Variants in CCDC91 observed in about 807,000 individuals in gnomAD.
The protein encoded by CCDC91 is coiled-coil domain-containing protein 91.
In CCDC91, 48 loss-of-function variants were observed where a neutral mutation model predicts 63.2. The observed-to-expected ratio is 0.76, with a 90% confidence interval of 0.60 to 0.97. The LOEUF (loss-of-function observed/expected upper bound fraction) is 0.97. CCDC91 is among the 50% of genes least tolerant of loss of function. The probability of loss-of-function intolerance (pLI) is 0.00; values close to 1 mark genes in which losing one functional copy is unlikely to be tolerated. For synonymous variants in CCDC91, 167 were observed against 165.8 expected (o/e 1.01, Z -0.06); for missense variants, 500 against 494.6 (o/e 1.01, Z -0.10).
At chr12:28,546,589 A>G (rs1313127804) in intron 12 of CCDC91, among the ~76,000 whole-genome samples, 2 of 152,128 alleles carry the variant, frequency 1.3e-5, no homozygotes, top group African/African-American at 4.8e-5. Flanking sequence ...ACGTGTATAC[A>G]GAGGTCTGTG....
intron 12 of CCDC91, among the ~76,000 whole-genome samples, chr12:28,512,028 G>C (rs982746977): frequency 2.0e-5 from 3 of 151,712 alleles, no homozygotes; most frequent in African/African-American, 7.3e-5. Context: ...GATGGATTTT[G>C]GGACTTACCA....
chr12:28,539,321 A>AT, intron 12 of CCDC91, among the ~76,000 whole-genome samples: 1 of 152,314 alleles, frequency 6.6e-6, no homozygotes, highest in African/African-American at 2.4e-5. Context: ...AGCTTTCTAC[A>AT]TTTGGCTAGC....
At chr12:28,336,349 ATTATT>A (rs1418621924) in intron 6 of CCDC91, among the ~76,000 whole-genome samples, 2 of 152,174 alleles carry the variant, frequency 1.3e-5, no homozygotes, top group African/African-American at 4.8e-5. Context: ...ACGTATCCGT[ATTATT>A]TTAAGTGTGA....
At chr12:28,259,298 C>A in intron 2 of CCDC91, 66 bp from the exon 3 acceptor site, 1 of 1,160,862 alleles carries the variant, frequency 8.6e-7, no homozygotes, top group Non-Finnish European at 1.3e-6. Flanking sequence ...AACTGGAATG[C>A]TTGATCACTT....
At chr12:28,293,296 T>C (rs539356645) in intron 3 of CCDC91, among the ~76,000 whole-genome samples, 3 of 152,198 alleles carry the variant, frequency 2.0e-5, no homozygotes, top group Non-Finnish European at 4.4e-5. Flanking sequence ...TGGCAAGCTT[T>C]ATATTGAAGG....
intron 12 of CCDC91, among the ~76,000 whole-genome samples, chr12:28,545,120 G>T (rs1025683297): frequency 2.0e-5 from 3 of 151,930 alleles, no homozygotes; most frequent in Non-Finnish European, 4.4e-5. Flanking sequence ...ACTCTATTAT[G>T]AAGAGATTTT....
chr12:28,338,437 G>A (rs1345768065), intron 6 of CCDC91, among the ~76,000 whole-genome samples: 3 of 152,006 alleles, frequency 2.0e-5, no homozygotes, highest in African/African-American at 7.2e-5. Flanking sequence ...GAGTGTGTGT[G>A]TGGGTAGAGA....
intron 12 of CCDC91, among the ~76,000 whole-genome samples, chr12:28,518,780 T>C (rs1405271053): frequency 2.6e-5 from 4 of 152,112 alleles, no homozygotes; most frequent in Admixed American, 2.6e-4. Flanking sequence ...ATTTTTATAG[T>C]TTCAGGTCTT....
At chr12:28,213,864 C>G (rs1412472094) in intron 1 of CCDC91, among the ~76,000 whole-genome samples, 1 of 152,062 alleles carries the variant, frequency 6.6e-6, no homozygotes, top group Non-Finnish European at 1.5e-5. Flanking sequence ...TTTTTGAAGA[C>G]TCAATTATGG....
chr12:28,258,176 T>G (rs1334563162), intron 2 of CCDC91, among the ~76,000 whole-genome samples: 1 of 151,982 alleles, frequency 6.6e-6, no homozygotes, highest in Non-Finnish European at 1.5e-5. Flanking sequence ...CATCTAAAAC[T>G]GGTTTTTGTT....
chr12:28,386,119 A>G (rs995816470), intron 7 of CCDC91, among the ~76,000 whole-genome samples: 1 of 152,228 alleles, frequency 6.6e-6, no homozygotes, highest in African/African-American at 2.4e-5. Flanking sequence ...GGTCGGTACC[A>G]AATGGACTTG....
At chr12:28,221,046 G>A (rs527278030) in intron 1 of CCDC91, among the ~76,000 whole-genome samples, 1 of 151,728 alleles carries the variant, frequency 6.6e-6, no homozygotes, top group South Asian at 2.1e-4. Flanking sequence ...CTTTTTGGGG[G>A]CCTCCAGTTA....
intron 3 of CCDC91, among the ~76,000 whole-genome samples, chr12:28,294,027 T>A (rs920632523): frequency 3.3e-5 from 5 of 152,266 alleles, no homozygotes; most frequent in Middle Eastern, 3.4e-3. Context: ...AGCTTGAGAT[T>A]TAGAGTAAAA....
chr12:28,397,835 G>T (rs2139428031), intron 8 of CCDC91, among the ~76,000 whole-genome samples: 1 of 151,986 alleles, frequency 6.6e-6, no homozygotes, highest in Admixed American at 6.6e-5. Flanking sequence ...TTATTATGTT[G>T]CCCTTAATCT....
chr12:28,227,435 A>G (rs936363072), intron 1 of CCDC91, among the ~76,000 whole-genome samples: 11 of 151,776 alleles, frequency 7.2e-5, no homozygotes, highest in African/African-American at 2.4e-4. Flanking sequence ...GATTCTTTCT[A>G]CCTCTTTTTT....
At chr12:28,373,045 G>A (rs1302907875) in intron 7 of CCDC91, among the ~76,000 whole-genome samples, 2 of 152,006 alleles carry the variant, frequency 1.3e-5, no homozygotes, top group East Asian at 1.9e-4. Flanking sequence ...TTTATTATAA[G>A]TTGTATCTCC....
At chr12:28,547,697 G>A (rs894794795) in intron 12 of CCDC91, among the ~76,000 whole-genome samples, 2 of 152,066 alleles carry the variant, frequency 1.3e-5, no homozygotes, top group Non-Finnish European at 2.9e-5. Context: ...TAGAATCTCC[G>A]AATATTGGAA....
At chr12:28,330,691 A>T (rs1010056218) in intron 6 of CCDC91, among the ~76,000 whole-genome samples, 2 of 152,054 alleles carry the variant, frequency 1.3e-5, no homozygotes, top group Admixed American at 6.6e-5. Context: ...CCGATTAAGG[A>T]CATTATTAAG....
At chr12:28,282,886 G>A (rs1948690780) in intron 3 of CCDC91, among the ~76,000 whole-genome samples, 2 of 152,102 alleles carry the variant, frequency 1.3e-5, no homozygotes, top group African/African-American at 4.8e-5. Flanking sequence ...TTTTACATAT[G>A]GTGAGAGATA....
Sources: allele counts gnomAD v4.1 joint callset (sites outside exome capture counted in the v4.1 genomes callset), GRCh38; gene constraint gnomAD v4.1.1; transcripts MANE v1.5; gene names NCBI Gene and HGNC (gene_info 2026-07-23, HGNC 2026-07-21).